The following LPAR5 variants were observed in gnomAD, a reference collection of about 807,000 sequenced individuals.
LPAR5 encodes the protein G protein-coupled receptor 92.
For synonymous variants in LPAR5, 271 were observed against 261.6 expected, an observed-to-expected ratio of 1.04 and a Z score of -0.35; for missense variants, 544 against 521.8, an observed-to-expected ratio of 1.04 and a Z score of -0.41.
At chr12:6,632,164 G>T (rs1948984356) in intron 1 of LPAR5, among the ~76,000 whole-genome samples, 1 of 152,006 alleles carries the variant, frequency 6.6e-6, no homozygotes, top group South Asian at 2.1e-4. Flanking sequence ...GTAGAGACGG[G>T]GTTTCACTAT....
chr12:6,628,777 C>T (rs1004099788), intron 1 of LPAR5, among the ~76,000 whole-genome samples: 6 of 151,986 alleles, frequency 3.9e-5, no homozygotes, highest in African/African-American at 2.4e-5. Context: ...GGATTACAGG[C>T]ATGTGCCACC....
chr12:6,629,140 C>G (rs1261943085), intron 1 of LPAR5, among the ~76,000 whole-genome samples: 1 of 147,918 alleles, frequency 6.8e-6, no homozygotes, highest in Non-Finnish European at 1.5e-5. Context: ...CTTTGGGAGG[C>G]CGAGGTGGGC....
At chr12:6,633,152 T>C (rs1948991147) in intron 1 of LPAR5, among the ~76,000 whole-genome samples, 1 of 152,188 alleles carries the variant, frequency 6.6e-6, no homozygotes, top group Non-Finnish European at 1.5e-5. Context: ...CACCTTGCCA[T>C]TGTGCCTCTC....
chr12:6,625,548 C>T lies in LPAR5; in HGVS notation c.-216-4084G>A, dbSNP rs570269302. On this transcript the variant is annotated intron_variant, in intron 1 of 1. Coordinates refer to ENST00000329858, the MANE Select transcript of LPAR5 (RefSeq NM_020400.6). ...CATCCTGGCTAACATGGTGAAACCT[C>T]GTCTCTACTGAAAATACAAAAAAAT... is the stretch of plus-strand genomic sequence containing the variant. Among the ~76,000 whole-genome samples, 7 of 151,250 alleles carry T rather than the reference C, an allele frequency of 4.6e-5. No individual in the cohort carries two copies. The East Asian group carries it at 7.8e-4, about 17-fold the overall frequency.
At chr12:6,621,612 T>C (rs1565385805) in intron 1 of LPAR5, 148 bp from the exon 2 acceptor site, 2 of 194,414 alleles carry the variant, frequency 1.0e-5, no homozygotes, top group African/African-American at 4.6e-5. Context: ...CTATATAGTA[T>C]AGTGTTAAAC....
At position 6,619,760 on chromosome 12, in the gene LPAR5, GC is replaced by G. The variant is rs1307520469; in HGVS notation, c.*369del. The G allele has an allele frequency of 1.8e-5, 7 of 387,222 alleles. No homozygotes were observed. Among genetic ancestry groups the G allele is most frequent in the Non-Finnish European group, 3.5e-5 (7 of 199,882 alleles). 24.0% of individuals were successfully genotyped at this position (387,222 alleles called of 1,614,324 possible). On this transcript the variant is annotated 3_prime_UTR_variant, in exon 2 of 2. Coordinates refer to ENST00000329858, the MANE Select transcript of LPAR5 (RefSeq NM_020400.6). Reference sequence around the variant, plus strand: ...AAACCTGGTGCTCTTCAGCTCTCAGGCCCCTGTGGCGGTTTAGATCCAGAAT... The same window carrying G: ...AAACCTGGTGCTCTTCAGCTCTCAGGCCCTGTGGCGGTTTAGATCCAGAAT...
intron 1 of LPAR5, among the ~76,000 whole-genome samples, chr12:6,629,087 T>C (rs2136244076): frequency 6.9e-6 from 1 of 144,994 alleles, no homozygotes; most frequent in East Asian, 2.2e-4. Flanking sequence ...TTGAAAAAGT[T>C]ACAATGTACC....
Position 6,620,743 on chromosome 12 carries a change from T to C in LPAR5, c.506A>G (p.Asp169Gly), listed in dbSNP as rs762299775. The change falls in exon 2 of 2, where the codon GAC becomes GGC. Residue 169 changes from aspartate (D) to glycine (G), a missense_variant. Asp to Gly is a moderately conservative substitution (Grantham distance 94). Coordinates refer to ENST00000329858, the MANE Select transcript of LPAR5 (RefSeq NM_020400.6). The surrounding 1 kb of genome is among the most constrained non-coding windows in gnomAD (Gnocchi z 6.8). ...VHRPSRCRYR[D>G]LEVRLCFESF... ...CTCGAAGCATAGGCGCACCTCGAGG[T>C]CCCGGTAGCGGCAACGCGAGGGCCT... is the stretch of plus-strand genomic sequence containing the variant. 1.3e-6 allele frequency: 2 copies of C among 1,591,626 alleles called. No individual in the cohort carries two copies. Among genetic ancestry groups the C allele is most frequent in the Middle Eastern group, 1.7e-4 (1 of 6,024 alleles).
At chr12:6,629,687 T>A (rs1268260753) in intron 1 of LPAR5, among the ~76,000 whole-genome samples, 1 of 145,584 alleles carries the variant, frequency 6.9e-6, no homozygotes, top group African/African-American at 2.5e-5. Flanking sequence ...AAAAAAAAAA[T>A]TAAAATGTTA....
intron 1 of LPAR5, among the ~76,000 whole-genome samples, chr12:6,626,732 T>C (rs1948942929): frequency 1.3e-5 from 2 of 152,240 alleles, no homozygotes; most frequent in Admixed American, 6.5e-5. Context: ...TGGAATGCCC[T>C]GCCTCCCGTT....
At chr12:6,624,453 T>C (rs1948919574) in intron 1 of LPAR5, among the ~76,000 whole-genome samples, 1 of 151,500 alleles carries the variant, frequency 6.6e-6, no homozygotes, top group Admixed American at 6.6e-5. Flanking sequence ...CCCATTCAGC[T>C]TCTGGTTCTA....
Position 6,620,021 on chromosome 12 carries a change from C to T in LPAR5, c.*109G>A. 1 of 1,431,268 alleles carries T rather than the reference C, an allele frequency of 7.0e-7. No individual in the cohort carries two copies. Among genetic ancestry groups the T allele is most frequent in the Non-Finnish European group, 9.6e-7 (1 of 1,036,326 alleles). 88.7% of individuals were successfully genotyped at this position (1,431,268 alleles called of 1,614,324 possible). A position where few individuals can be genotyped will look rare whatever the true frequency, so the allele number is the denominator to read the frequency against. On this transcript the variant is annotated 3_prime_UTR_variant, in exon 2 of 2. Transcript: ENST00000329858. This position sits in a 1 kb window ranked among gnomAD's most constrained non-coding sequence, Gnocchi z 6.8. ...TTCTGCGTTGCTAAGCTGGAATTGC[C>T]ACCCAAAGGTCCAAGTGCCCAGCCC...
intron 1 of LPAR5, among the ~76,000 whole-genome samples, chr12:6,628,253 C>A (rs904839384): frequency 6.6e-6 from 1 of 152,210 alleles, no homozygotes; most frequent in Admixed American, 6.6e-5. Flanking sequence ...TATCTCCTGA[C>A]CTCGTGATCT....
chr12:6,634,584 G>C (rs1354343951), intron 1 of LPAR5, among the ~76,000 whole-genome samples: 1 of 151,810 alleles, frequency 6.6e-6, no homozygotes, highest in African/African-American at 2.4e-5. Context: ...AGTGAGTCTA[G>C]ATCATGCCAC....
chr12:6,625,444 G>T (rs1403899120), intron 1 of LPAR5, among the ~76,000 whole-genome samples: 2 of 147,196 alleles, frequency 1.4e-5, no homozygotes, highest in African/African-American at 5.0e-5. Flanking sequence ...AAAGAGGGCC[G>T]GGCGCGGTGG....
At chr12:6,622,063 G>T (rs1020218656) in intron 1 of LPAR5, among the ~76,000 whole-genome samples, 1 of 152,018 alleles carries the variant, frequency 6.6e-6, no homozygotes, top group Non-Finnish European at 1.5e-5. Flanking sequence ...AGGAGGCAGA[G>T]GTTGCAGTGA....
At position 6,625,563 on chromosome 12, in the gene LPAR5, T is replaced by C. The variant is rs760216137; in HGVS notation, c.-216-4099A>G. 1.9e-4 allele frequency among the ~76,000 whole-genome samples: 27 copies of C among 140,274 alleles called. 1 individual carries two copies. Among genetic ancestry groups the C allele is most frequent in the Non-Finnish European group, 3.4e-4 (22 of 64,518 alleles). 92.0% of individuals were successfully genotyped at this position (140,274 alleles called of 152,430 possible). A position where few individuals can be genotyped will look rare whatever the true frequency, so the allele number is the denominator to read the frequency against. Reference sequence around the variant, plus strand: ...GGTGAAACCTCGTCTCTACTGAAAATACAAAAAAATTTAGCTGAGCGTGGT... The same window carrying C: ...GGTGAAACCTCGTCTCTACTGAAAACACAAAAAAATTTAGCTGAGCGTGGT... On this transcript the variant is annotated intron_variant, in intron 1 of 1. Coordinates refer to ENST00000329858, the MANE Select transcript of LPAR5 (RefSeq NM_020400.6).
chr12:6,634,143 C>T (rs1948997277), intron 1 of LPAR5, among the ~76,000 whole-genome samples: 1 of 152,132 alleles, frequency 6.6e-6, no homozygotes, highest in Non-Finnish European at 1.5e-5. Context: ...GCAGCTGGGA[C>T]TATAGGTGCG....
intron 1 of LPAR5, among the ~76,000 whole-genome samples, chr12:6,623,204 CT>C: frequency 6.6e-6 from 1 of 151,810 alleles, no homozygotes. Flanking sequence ...TACCACTGCC[CT>C]CCAGCCTGGG....
Sources: gnomAD v4.1 joint callset for allele counts (sites outside exome capture counted in the v4.1 genomes callset) on GRCh38, gnomAD v4.1.1 for gene constraint, Gnocchi (gnomAD v3.1) non-coding constraint, MANE v1.5 for transcripts, NCBI Gene and HGNC (gene_info 2026-07-23, HGNC 2026-07-21) for gene names.